The following CELSR3 variants were observed in gnomAD, a reference collection of about 807,000 sequenced individuals.
CELSR3 encodes cadherin EGF LAG seven-pass G-type receptor 3.
Under a neutral mutation model 270.0 loss-of-function variants are expected in CELSR3, and 73 were observed. The observed-to-expected ratio is 0.27, with a 90% CI of 0.22 to 0.33. The LOEUF is 0.33. CELSR3 is among the 10% of genes least tolerant of loss of function. The pLI is 1.00. For synonymous variants in CELSR3, 1,780 were observed against 1,905.4 expected, an observed-to-expected ratio of 0.93 and a Z score of 1.71; for missense variants, 3,614 against 4,533.8, an observed-to-expected ratio of 0.80 and a Z score of 5.83.
Position 48,646,627 on chromosome 3 carries a change from CAG to C in CELSR3, c.7295+134_7295+135del. ...ACAACTCCAGAGAATAAGATTCACA[CAG>C]AACCCGGCAAGGATGGGGCTCCCTG... On this transcript the variant is annotated intron_variant, in intron 21 of 34. Coordinates refer to ENST00000164024, the MANE Select transcript of CELSR3 (RefSeq NM_001407.3). This position sits in a 1 kb window ranked among gnomAD's most constrained non-coding sequence, Gnocchi z 4.8. 2 of 902,608 alleles carry C rather than the reference CAG, an allele frequency of 2.2e-6. No individual in the cohort carries two copies. The highest frequency in any genetic ancestry group is 3.3e-6 in the Non-Finnish European group (2 of 603,682). The allele number at this position is 902,608 out of a possible 1,614,324, so 55.9% of individuals were successfully genotyped here. A position where few individuals can be genotyped will look rare whatever the true frequency, so the allele number is the denominator to read the frequency against.
chr3:48,662,282 A>G lies in CELSR3; in HGVS notation c.353T>C (p.Leu118Ser), dbSNP rs1185728043. Residue 118 changes from leucine to serine, a missense_variant, in exon 1 of 35, where the codon TTG (leucine) becomes TCG (serine). Leu to Ser is a moderately radical substitution (Grantham distance 145). Around this residue, in one of 7 missense-constraint regions of CELSR3, gnomAD observed 470 missense variants for 469.7 expected, o/e 1.00. Coordinates refer to ENST00000164024, the MANE Select transcript of CELSR3 (RefSeq NM_001407.3). The surrounding 1 kb of genome is among the most constrained non-coding windows in gnomAD (Gnocchi z 7.1). The part of the protein sequence containing the change: ...ELGIEHGVQP[L>S]GSRERETGQG... ...TCCTGTCTCTCGTTCGCGGCTGCCC[A>G]ATGGCTGGACGCCGTGTTCAATCCC... 6.2e-7 allele frequency: 1 copy of G among 1,613,022 alleles called. No individual in the cohort carries two copies. The highest frequency in any genetic ancestry group is 1.7e-5 in the Admixed American group (1 of 60,030).
Position 48,648,379 on chromosome 3 carries a change from C to T in CELSR3, c.6860G>A (p.Gly2287Asp). ...WAALGQRAPG[G>D]SPGSAGLVRH... The stretch of plus-strand genomic sequence containing the variant: ...CACCAGTCCCGCGCTGCCTGGGGAG[C>T]CCCCAGGGGCCCGCTGCCCCAGCGC... Residue 2287 changes from glycine to aspartate, a missense_variant, in exon 19 of 35, where the codon GGC becomes GAC. Around this residue, in one of 7 missense-constraint regions of CELSR3, gnomAD observed 1,331 missense variants for 1,933.7 expected, o/e 0.69. Coordinates refer to ENST00000164024, the MANE Select transcript of CELSR3 (RefSeq NM_001407.3). The T allele has an allele frequency of 6.2e-7, 1 of 1,611,246 alleles. No individual in the cohort carries two copies. Among genetic ancestry groups the T allele is most frequent in the Non-Finnish European group, 8.5e-7 (1 of 1,179,362 alleles).
In CELSR3 at chr3:48,642,558, G is replaced by A; in HGVS notation, c.8556-91C>T. On this transcript the variant is annotated intron_variant, in intron 30 of 34. Transcript: ENST00000164024. The surrounding 1 kb of genome is among the most constrained non-coding windows in gnomAD (Gnocchi z 6.1). ...GTCTTTGAGTGCACAGCCAGCTGCG[G>A]GTGGAATGGCATCCCTGGGTGTGTG... 1 of 1,453,358 alleles carries A rather than the reference G, an allele frequency of 6.9e-7. No individual in the cohort carries two copies. Among genetic ancestry groups the A allele is most frequent in the Non-Finnish European group, 9.4e-7 (1 of 1,068,820 alleles). The allele number at this position is 1,453,358 out of a possible 1,614,324, so 90.0% of individuals were successfully genotyped here.
chr3:48,650,598 T>A lies in CELSR3; in HGVS notation c.6371-17A>T. ...CATAGAGCACTAGAGAGAGAAGAGGTGCTGAGCCAGGCAGTCAGGGTACAG... is the reference window on the plus strand; with the variant it reads ...CATAGAGCACTAGAGAGAGAAGAGGAGCTGAGCCAGGCAGTCAGGGTACAG... On this transcript the variant is annotated splice_polypyrimidine_tract_variant and intron_variant, in intron 15 of 34. Coordinates refer to ENST00000164024, the MANE Select transcript of CELSR3 (RefSeq NM_001407.3). The surrounding 1 kb of genome is among the most constrained non-coding windows in gnomAD (Gnocchi z 5.1). 6.3e-7 allele frequency: 1 copy of A among 1,585,108 alleles called. No homozygotes were observed.
chr3:48,646,706 A>C lies in CELSR3; in HGVS notation c.7295+57T>G. ...GAACCTACGCATCTACCCACCAAAA[A>C]AGGGGCTGCCAGGCTGAGAAGTTCG... On this transcript the variant is annotated intron_variant, in intron 21 of 34. Coordinates refer to ENST00000164024, the MANE Select transcript of CELSR3 (RefSeq NM_001407.3). The surrounding 1 kb of genome is among the most constrained non-coding windows in gnomAD (Gnocchi z 4.8). 6.4e-7 allele frequency: 1 copy of C among 1,554,348 alleles called. No homozygotes were observed. The highest frequency in any genetic ancestry group is 8.7e-7 in the Non-Finnish European group (1 of 1,151,756).
chr3:48,655,375 G>A lies in CELSR3; in HGVS notation c.4761C>T (p.Val1587=), dbSNP rs1194687013. ...TYSTGESNTV[V]SPTVPGGLSD... Reference sequence around the variant, plus strand: ...TCAAGCCCCCTGGAACTGTGGGGCTGACCACGGTGTTGGATTCACCTGGAG... The same window carrying A: ...TCAAGCCCCCTGGAACTGTGGGGCTAACCACGGTGTTGGATTCACCTGGAG... The change falls in exon 5 of 35, where the codon GTC becomes GTT. Residue 1587 remains valine (V), a synonymous_variant. Transcript: ENST00000164024. This position sits in a 1 kb window ranked among gnomAD's most constrained non-coding sequence, Gnocchi z 5.8. 1.2e-6 allele frequency: 2 copies of A among 1,614,088 alleles called. No homozygotes were observed. Among genetic ancestry groups the A allele is most frequent in the Non-Finnish European group, 1.7e-6 (2 of 1,179,978 alleles).
chr3:48,657,065 C>G lies in CELSR3; in HGVS notation c.4032G>C (p.Gly1344=), dbSNP rs1205507155. Residue 1344 remains glycine (G), a synonymous_variant, in exon 2 of 35, where the codon GGG becomes GGC. Coordinates refer to ENST00000164024, the MANE Select transcript of CELSR3 (RefSeq NM_001407.3). The surrounding 1 kb of genome is among the most constrained non-coding windows in gnomAD (Gnocchi z 5.4). ...APRGAGAGAA[G]PWFSSEELQE... The stretch of plus-strand genomic sequence containing the variant: ...GCAGCTCCTCGGAGCTGAACCAGGG[C>G]CCTGCAGCGCCCGCCCCGGCCCCAC... The G allele has an allele frequency of 1.2e-6, 2 of 1,613,612 alleles. No individual in the cohort carries two copies. Among genetic ancestry groups the G allele is most frequent in the Non-Finnish European group, 1.7e-6 (2 of 1,179,926 alleles).
At position 48,645,543 on chromosome 3, in the gene CELSR3, C is replaced by T; in HGVS notation, c.7697G>A (p.Ser2566Asn). ...GATCCCACGCACATTGGACTTGAGG[C>T]TGCGCAGGCTCAGCAGGATGGCTGC... ...LTAAILLSLR[S>N]LKSNVRGIHA... The change falls in exon 24 of 35, where the codon AGC (serine) becomes AAC (asparagine). Residue 2566 changes from serine (S) to asparagine (N), a missense_variant. Coordinates refer to ENST00000164024, the MANE Select transcript of CELSR3 (RefSeq NM_001407.3). This position sits in a 1 kb window ranked among gnomAD's most constrained non-coding sequence, Gnocchi z 5.4. 6.2e-7 allele frequency: 1 copy of T among 1,612,740 alleles called. No homozygotes were observed. The highest frequency in any genetic ancestry group is 8.5e-7 in the Non-Finnish European group (1 of 1,180,020).
In CELSR3 at chr3:48,650,589, G is replaced by C; in HGVS notation, c.6371-8C>G. 6.3e-7 allele frequency: 1 copy of C among 1,594,860 alleles called. No individual in the cohort carries two copies. The highest frequency in any genetic ancestry group is 8.5e-7 in the Non-Finnish European group (1 of 1,173,612). On this transcript the variant is annotated splice_region_variant and splice_polypyrimidine_tract_variant and intron_variant, in intron 15 of 34. Coordinates refer to ENST00000164024, the MANE Select transcript of CELSR3 (RefSeq NM_001407.3). The surrounding 1 kb of genome is among the most constrained non-coding windows in gnomAD (Gnocchi z 5.1). ...GGCAGGCATCATAGAGCACTAGAGAGAGAAGAGGTGCTGAGCCAGGCAGTC... is the reference window on the plus strand; with the variant it reads ...GGCAGGCATCATAGAGCACTAGAGACAGAAGAGGTGCTGAGCCAGGCAGTC...
chr3:48,651,201 C>A lies in CELSR3; in HGVS notation c.6187-126G>T. On this transcript the variant is annotated intron_variant, in intron 14 of 34. Transcript: ENST00000164024. The surrounding 1 kb of genome is among the most constrained non-coding windows in gnomAD (Gnocchi z 7.4). ...AGGACACCTGGGTCATGCGTGAAGC[C>A]AAGGGAGGGGTCACGGGTAAAGGAT... 2 of 1,448,956 alleles carry A rather than the reference C, an allele frequency of 1.4e-6. No homozygotes were observed. Among genetic ancestry groups the A allele is most frequent in the Non-Finnish European group, 1.9e-6 (2 of 1,056,768 alleles). The allele number at this position is 1,448,956 out of a possible 1,614,324, so 89.8% of individuals were successfully genotyped here.
rs775143600 is a variant in CELSR3, at chr3:48,639,036, G to A, written c.9911+638C>T. Among the ~76,000 whole-genome samples the A allele has an allele frequency of 6.6e-6, 1 of 151,800 alleles. No individual in the cohort carries two copies. Among genetic ancestry groups the A allele is most frequent in the Non-Finnish European group, 1.5e-5 (1 of 67,994 alleles). ...CTCCCCACTCCCACCAGTCCCTCTCGGACTCCTGTGTATCCAGCTATTTCC... is the reference window on the plus strand; with the variant it reads ...CTCCCCACTCCCACCAGTCCCTCTCAGACTCCTGTGTATCCAGCTATTTCC... On this transcript the variant is annotated intron_variant, in intron 34 of 34. Transcript: ENST00000164024. The surrounding 1 kb of genome is among the most constrained non-coding windows in gnomAD (Gnocchi z 4.1).
chr3:48,653,623 C>G lies in CELSR3; in HGVS notation c.5444G>C (p.Cys1815Ser). Residue 1815 changes from cysteine to serine, a missense_variant, in exon 9 of 35, where the codon TGC (cysteine) becomes TCC (serine). Cys to Ser is a moderately radical substitution (Grantham distance 112). Around this residue, in one of 7 missense-constraint regions of CELSR3, gnomAD observed 1,331 missense variants for 1,933.7 expected, o/e 0.69. Coordinates refer to ENST00000164024, the MANE Select transcript of CELSR3 (RefSeq NM_001407.3). This position sits in a 1 kb window ranked among gnomAD's most constrained non-coding sequence, Gnocchi z 6.5. ...VQAGPHSTLLCQLDRGLLSVT... is the reference protein window; with the variant it reads ...VQAGPHSTLLSQLDRGLLSVT... ...GGGTGAGCAGGGTGGACACACCTGG[C>G]AAAGGAGCGTGCTGTGTGGCCCAGC... 6.2e-7 allele frequency: 1 copy of G among 1,613,660 alleles called. No individual in the cohort carries two copies. Among genetic ancestry groups the G allele is most frequent in the Non-Finnish European group, 8.5e-7 (1 of 1,179,780 alleles).
Position 48,652,985 on chromosome 3 carries a change from G to C in CELSR3, c.5634+17C>G. 1 of 1,608,818 alleles carries C rather than the reference G, an allele frequency of 6.2e-7. No individual in the cohort carries two copies. On this transcript the variant is annotated intron_variant, in intron 10 of 34. Coordinates refer to ENST00000164024, the MANE Select transcript of CELSR3 (RefSeq NM_001407.3). This position sits in a 1 kb window ranked among gnomAD's most constrained non-coding sequence, Gnocchi z 4.3. ...TGGAAGGCTGAGAACAGACTACCCCGGGGTCAGAGGCCAGACCTGGAAGAG... is the reference window on the plus strand; with the variant it reads ...TGGAAGGCTGAGAACAGACTACCCCCGGGTCAGAGGCCAGACCTGGAAGAG...
chr3:48,648,238 G>GGCCCCCCCCAACCCCC, intron 19 of CELSR3, 28 bp downstream of exon 19: 6 of 1,342,614 alleles, frequency 4.5e-6, no homozygotes, highest in Non-Finnish European at 6.4e-6. Context: ...CCCCTGCTGT[G>GGCCCCCCCCAACCCCC]CCCCGCCCTA....
rs769279686 is a variant in CELSR3 at position 48,660,949 on chromosome 3, T to C, written c.1686A>G (p.Thr562=). 9.3e-6 allele frequency: 15 copies of C among 1,613,788 alleles called. No individual in the cohort carries two copies. The highest frequency in any genetic ancestry group is 1.2e-5 in the Non-Finnish European group (14 of 1,180,044). Residue 562 remains threonine (T), a synonymous_variant, in exon 1 of 35, where the codon ACA becomes ACG. Coordinates refer to ENST00000164024, the MANE Select transcript of CELSR3 (RefSeq NM_001407.3). This position sits in a 1 kb window ranked among gnomAD's most constrained non-coding sequence, Gnocchi z 5.5. ...CAGTGGCCGTGACGCGCAGCACGAC[T>C]GTGTGGGGGCGCACATCCTCGCGCA... The part of the protein sequence containing the change: ...AQVREDVRPH[T]VVLRVTATDR...
In CELSR3 at chr3:48,642,074, T is replaced by C; in HGVS notation, c.8666-65A>G. ...GACTTGGAGATAAGGGAATTTGGAG[T>C]TGAGGGTCTAGAGGTGGGTACGGCA... On this transcript the variant is annotated intron_variant, in intron 31 of 34. Transcript: ENST00000164024. The surrounding 1 kb of genome is among the most constrained non-coding windows in gnomAD (Gnocchi z 6.1). The C allele has an allele frequency of 6.9e-7, 1 of 1,456,336 alleles. No homozygotes were observed. The highest frequency in any genetic ancestry group is 9.2e-7 in the Non-Finnish European group (1 of 1,091,878). The allele number at this position is 1,456,336 out of a possible 1,614,324, so 90.2% of individuals were successfully genotyped here.
Position 48,641,598 on chromosome 3 carries a change from C to T in CELSR3, c.8825-74G>A, listed in dbSNP as rs2047027150. 3 of 1,157,182 alleles carry T rather than the reference C, an allele frequency of 2.6e-6. No homozygotes were observed. The highest frequency in any genetic ancestry group is 3.8e-6 in the Non-Finnish European group (3 of 789,380). The allele number at this position is 1,157,182 out of a possible 1,614,324, so 71.7% of individuals were successfully genotyped here. A position where few individuals can be genotyped will look rare whatever the true frequency, so the allele number is the denominator to read the frequency against. ...CTCATGACCCCTGACCCTAATGACC[C>T]TTGAAACCCTGGCTGTTCTCATTGA... On this transcript the variant is annotated intron_variant, in intron 32 of 34. Coordinates refer to ENST00000164024, the MANE Select transcript of CELSR3 (RefSeq NM_001407.3). The surrounding 1 kb of genome is among the most constrained non-coding windows in gnomAD (Gnocchi z 4.8).
At position 48,648,367 on chromosome 3, in the gene CELSR3, CT is replaced by C. The variant is rs2047107327; in HGVS notation, c.6871del (p.Ser2291AlafsTer5). The C allele has an allele frequency of 6.2e-7, 1 of 1,612,068 alleles. No individual in the cohort carries two copies. The highest frequency in any genetic ancestry group is 1.3e-5 in the African/African-American group (1 of 74,888). On this transcript the variant is annotated frameshift_variant, in exon 19 of 35. Coordinates refer to ENST00000164024, the MANE Select transcript of CELSR3 (RefSeq NM_001407.3). LOFTEE classifies it high-confidence loss of function. The stretch of plus-strand genomic sequence containing the variant: ...CTCCAGGTGCCTCACCAGTCCCGCG[CT>C]GCCTGGGGAGCCCCCAGGGGCCCGC... The part of the protein sequence containing the change: ...GQRAPGGSPG[S>X]AGLVRHLEEY...
chr3:48,644,359 T>A lies in CELSR3; in HGVS notation c.8086-64A>T. 1.2e-5 allele frequency: 17 copies of A among 1,398,686 alleles called. No homozygotes were observed. The highest frequency in any genetic ancestry group is 1.7e-5 in the Non-Finnish European group (17 of 988,696). The allele number at this position is 1,398,686 out of a possible 1,614,324, so 86.6% of individuals were successfully genotyped here. On this transcript the variant is annotated intron_variant, in intron 26 of 34. Coordinates refer to ENST00000164024, the MANE Select transcript of CELSR3 (RefSeq NM_001407.3). This position sits in a 1 kb window ranked among gnomAD's most constrained non-coding sequence, Gnocchi z 4.8. ...GAGAGAGAGAGAGAGAGAGAGGCAATGAGAGACAGAGAGAGACTAAGATTC... is the reference window on the plus strand; with the variant it reads ...GAGAGAGAGAGAGAGAGAGAGGCAAAGAGAGACAGAGAGAGACTAAGATTC...
Sources: allele counts gnomAD v4.1 joint callset (sites outside exome capture counted in the v4.1 genomes callset), GRCh38; gene constraint gnomAD v4.1.1; regional missense constraint gnomAD v4.1.1; non-coding constraint Gnocchi (gnomAD v3.1); transcripts MANE v1.5; gene names NCBI Gene and HGNC (gene_info 2026-07-23, HGNC 2026-07-21).